DNMT1: variants seen among roughly 807,000 people sequenced by gnomAD.
The protein encoded by DNMT1 is DNA (cytosine-5)-methyltransferase 1.
In DNMT1, 24 loss-of-function variants were observed where a neutral mutation model predicts 205.3. The observed-to-expected ratio is 0.12, with a 90% CI of 0.08 to 0.16. The LOEUF (loss-of-function observed/expected upper bound fraction) is 0.16. Among genes scored for constraint, DNMT1 ranks in the 10% least tolerant of loss-of-function variants. The pLI, the probability that DNMT1 is intolerant of heterozygous loss-of-function variation, is 1.00. For synonymous variants in DNMT1, 817 were observed against 839.8 expected, an observed-to-expected ratio of 0.97 and a Z score of 0.47; for missense variants, 1,293 against 2,177.7, an observed-to-expected ratio of 0.59 and a Z score of 8.09.
chr19:10,139,947 G>C (rs190841054), intron 33 of DNMT1, 99 bp downstream of exon 33: 2 of 1,592,860 alleles, frequency 1.3e-6, no homozygotes, highest in Admixed American at 1.7e-5. Context: ...GTGAGCTTCC[G>C]GGGGGCAGAG....
chr19:10,135,455 C>T, intron 39 of DNMT1: 1 of 490,008 alleles, frequency 2.0e-6, no homozygotes, highest in East Asian at 3.7e-5. Flanking sequence ...TGAGCTGTCG[C>T]CACCATGGGT....
Position 10,138,636 on chromosome 19 carries a change from G to C in DNMT1, c.3949-31C>G, listed in dbSNP as rs765678455. On this transcript the variant is annotated intron_variant, in intron 34 of 40. Transcript: ENST00000359526. The surrounding 1 kb of genome is among the most constrained non-coding windows in gnomAD (Gnocchi z 4.1). ...GGGGAGAAGGACGGACAACCCCACC[G>C]TCAGTGGGACACTCCCAACTGGACT... 6.3e-7 allele frequency: 1 copy of C among 1,592,678 alleles called. No individual in the cohort carries two copies. Among genetic ancestry groups the C allele is most frequent in the South Asian group, 1.1e-5 (1 of 90,344 alleles).
chr19:10,134,271 T>C lies in DNMT1; in HGVS notation c.4810A>G (p.Ile1604Val). 6.2e-7 allele frequency: 1 copy of C among 1,614,124 alleles called. No homozygotes were observed. Among genetic ancestry groups the C allele is most frequent in the Middle Eastern group, 1.6e-4 (1 of 6,062 alleles). Reference protein sequence around the residue: ...NAVPPPLAKAIGLEIKLCMLA... With the variant: ...NAVPPPLAKAVGLEIKLCMLA... ...ATACAAAGCTTGATCTCCAAGCCAA[T>C]GGCTTTGGCCAGGGGCGGTGGCACG... The change falls in exon 40 of 41, where the codon ATT becomes GTT. Residue 1604 changes from isoleucine (I) to valine (V), a missense_variant. Ile to Val is a conservative substitution (Grantham distance 29). Transcript: ENST00000359526.
At chr19:10,148,756 C>T in intron 27 of DNMT1, 128 bp downstream of exon 27, 1 of 1,524,342 alleles carries the variant, frequency 6.6e-7, no homozygotes, top group Non-Finnish European at 9.0e-7. Context: ...GTCAGGCTGG[C>T]CTTTGACGAG....
Position 10,151,943 on chromosome 19 carries a change from T to G in DNMT1, c.2020-96A>C, listed in dbSNP as rs1599362379. The G allele has an allele frequency of 8.1e-6, 10 of 1,236,278 alleles. No individual in the cohort carries two copies. The highest frequency in any genetic ancestry group is 2.3e-5 in the East Asian group (1 of 42,844). The allele number at this position is 1,236,278 out of a possible 1,614,324, so 76.6% of individuals were successfully genotyped here. A position where few individuals can be genotyped will look rare whatever the true frequency, so the allele number is the denominator to read the frequency against. ...AGAAGGCCGAGGCAGGCAGATCACT[T>G]AAGGTCAGGAATTGCAGACCAGCCT... On this transcript the variant is annotated intron_variant, in intron 22 of 40. Transcript: ENST00000359526. The surrounding 1 kb of genome is among the most constrained non-coding windows in gnomAD (Gnocchi z 5.0).
intron 1 of DNMT1, among the ~76,000 whole-genome samples, chr19:10,183,032 T>TATACGTATATATGTGTATAC (rs1462335438): frequency 6.6e-6 from 1 of 150,890 alleles, no homozygotes; most frequent in South Asian, 2.1e-4. Context: ...TATGTGTATA[T>TATACGTATATATGTGTATAC]ATACGTATAT....
At chr19:10,153,293 A>G (rs2145304460) in intron 22 of DNMT1, among the ~76,000 whole-genome samples, 1 of 152,308 alleles carries the variant, frequency 6.6e-6, no homozygotes, top group Middle Eastern at 3.4e-3. Flanking sequence ...AAAATGAAAT[A>G]ACTAGATCTA....
intron 13 of DNMT1, 30 bp downstream of exon 13, chr19:10,162,637 A>AAG (rs2038594291): frequency 1.9e-6 from 3 of 1,557,604 alleles, no homozygotes; most frequent in East Asian, 4.6e-5. Context: ...AAAAAAAAAA[A>AAG]AAAGAAAGAA....
Position 10,137,603 on chromosome 19 carries a change from G to T in DNMT1, c.4293+229C>A. 1.5e-6 allele frequency: 1 copy of T among 675,234 alleles called. No homozygotes were observed. Among genetic ancestry groups the T allele is most frequent in the Admixed American group, 2.6e-5 (1 of 39,198 alleles). 41.8% of individuals were successfully genotyped at this position (675,234 alleles called of 1,614,324 possible). A position where few individuals can be genotyped will look rare whatever the true frequency, so the allele number is the denominator to read the frequency against. ...GGCAGCAAGGGGGAAGGCAGTGGTGGGTGGGCAGTGGCTTGACACCATTCC... is the reference window on the plus strand; with the variant it reads ...GGCAGCAAGGGGGAAGGCAGTGGTGTGTGGGCAGTGGCTTGACACCATTCC... On this transcript the variant is annotated intron_variant, in intron 36 of 40. Coordinates refer to ENST00000359526, the MANE Select transcript of DNMT1 (RefSeq NM_001130823.3). The surrounding 1 kb of genome is among the most constrained non-coding windows in gnomAD (Gnocchi z 6.4).
In DNMT1 at chr19:10,175,563, T is replaced by C. The variant is rs751913403; in HGVS notation, c.625A>G (p.Ile209Val). 3 of 1,614,066 alleles carry C rather than the reference T, an allele frequency of 1.9e-6. No homozygotes were observed. The highest frequency in any genetic ancestry group is 3.3e-5 in the Admixed American group (2 of 60,006). ...ACCTGGTCTTTGTCTTCTTCCTTGA[T>C]GGACTCATCCGATTTGGCTCTTTCA... ...ESERAKSDES[I>V]KEEDKDQDEK... The change falls in exon 7 of 41, where the codon ATC (isoleucine) becomes GTC (valine). Residue 209 changes from isoleucine (I) to valine (V), a missense_variant. Around this residue, in one of 13 missense-constraint regions of DNMT1, gnomAD observed 394 missense variants for 451.6 expected, o/e 0.87. Transcript: ENST00000359526.
rs1385786676 is a variant in DNMT1 at position 10,146,869 on chromosome 19, A to G, written c.2721-345T>C. Among the ~76,000 whole-genome samples the G allele has an allele frequency of 6.6e-6, 1 of 152,212 alleles. No homozygotes were observed. Among genetic ancestry groups the G allele is most frequent in the African/African-American group, 2.4e-5 (1 of 41,444 alleles). On this transcript the variant is annotated intron_variant, in intron 27 of 40. Coordinates refer to ENST00000359526, the MANE Select transcript of DNMT1 (RefSeq NM_001130823.3). The surrounding 1 kb of genome is among the most constrained non-coding windows in gnomAD (Gnocchi z 4.4). The stretch of plus-strand genomic sequence containing the variant: ...GGAACTCAATCCAGCAGAGACTCCT[A>G]CTGTTCTCTCCATAAAGGCTCAACA...
At chr19:10,144,298 CT>C (rs1486437432) in intron 28 of DNMT1, 1 of 366,032 alleles carries the variant, frequency 2.7e-6, no homozygotes, top group African/African-American at 2.1e-5. Context: ...ATTCCAGCTA[CT>C]TGGGAGGCTG....
rs771215764 is a variant in DNMT1 at position 10,140,923 on chromosome 19, G to A, written c.3395-14C>T. On this transcript the variant is annotated splice_polypyrimidine_tract_variant and intron_variant, in intron 31 of 40. Coordinates refer to ENST00000359526, the MANE Select transcript of DNMT1 (RefSeq NM_001130823.3). The surrounding 1 kb of genome is among the most constrained non-coding windows in gnomAD (Gnocchi z 8.4). ...GCTTGCCCTTCCCTGGGGGAGAGAG[G>A]CCAGAGGCTAAACCCGATCCTCAGA... is the stretch of plus-strand genomic sequence containing the variant. The A allele has an allele frequency of 6.2e-7, 1 of 1,613,818 alleles. No individual in the cohort carries two copies. Among genetic ancestry groups the A allele is most frequent in the South Asian group, 1.1e-5 (1 of 91,088 alleles).
At position 10,143,851 on chromosome 19, in the gene DNMT1, G is replaced by C. The variant is rs876661227; in HGVS notation, c.3031C>G (p.Arg1011Gly). Residue 1011 changes from arginine to glycine, a missense_variant, in exon 29 of 41, where the codon CGG becomes GGG. By Grantham distance (125) the Arg-to-Gly change is moderately radical (BLOSUM62 -2). Transcript: ENST00000359526. ...LDAPEPYRIG[R>G]IKEIFCPKKS... Reference sequence around the variant, plus strand: ...TTGGGACAGAAGATCTCTTTGATCCGGCCAATTCGGTAGGGCTCAGGGGCA... The same window carrying C: ...TTGGGACAGAAGATCTCTTTGATCCCGCCAATTCGGTAGGGCTCAGGGGCA... 1 of 1,614,112 alleles carries C rather than the reference G, an allele frequency of 6.2e-7. No homozygotes were observed. The highest frequency in any genetic ancestry group is 8.5e-7 in the Non-Finnish European group (1 of 1,180,038).
Position 10,148,583 on chromosome 19 carries a change from A to AAACATGC in DNMT1, c.2720+294_2720+300dup, listed in dbSNP as rs201053208. Among the ~76,000 whole-genome samples the AAACATGC allele has an allele frequency of 5.8e-3, 883 of 152,324 alleles. 18 individuals carry two copies. The highest frequency in any genetic ancestry group is 0.034 in the East Asian group (176 of 5,186). On this transcript the variant is annotated intron_variant, in intron 27 of 40. Coordinates refer to ENST00000359526, the MANE Select transcript of DNMT1 (RefSeq NM_001130823.3). ...GAGAAAATATCTAAGAAACAGCCAAAAACATGCAAGAGCTGGGCACACACT... is the reference window on the plus strand; with the variant it reads ...GAGAAAATATCTAAGAAACAGCCAAAAACATGCAACATGCAAGAGCTGGGCACACACT...
intron 40 of DNMT1, among the ~76,000 whole-genome samples, chr19:10,134,012 C>CT (rs2089426787): frequency 6.6e-6 from 1 of 152,266 alleles, no homozygotes. Flanking sequence ...CAAAGGCCTG[C>CT]TGTGTGCAGC....
Position 10,140,771 on chromosome 19 carries a change from G to C in DNMT1, c.3523+10C>G, listed in dbSNP as rs200238302. On this transcript the variant is annotated intron_variant, in intron 32 of 40. Transcript: ENST00000359526. This position sits in a 1 kb window ranked among gnomAD's most constrained non-coding sequence, Gnocchi z 8.4. ...CCAGGTATTCAGAGATGGAGCCTAC[G>C]GGCGCTCACCTGCTTGGTGGAATCC... 6.2e-7 allele frequency: 1 copy of C among 1,614,010 alleles called. No homozygotes were observed. The highest frequency in any genetic ancestry group is 8.5e-7 in the Non-Finnish European group (1 of 1,179,922).
In DNMT1 at chr19:10,163,460, G is replaced by C. The variant is rs1045430889; in HGVS notation, c.892-100C>G. 2.1e-5 allele frequency: 27 copies of C among 1,269,004 alleles called. No individual in the cohort carries two copies. In the South Asian group the frequency reaches 3.1e-4, roughly 15 times the overall value. 78.6% of individuals were successfully genotyped at this position (1,269,004 alleles called of 1,614,324 possible). On this transcript the variant is annotated intron_variant, in intron 11 of 40. Transcript: ENST00000359526. ...ATGCAAACACTGAAGTTACAGGTTA[G>C]GGATCCCAGCACTGTGGAGCTGGAA...
chr19:10,179,058 G>A (rs2038989605), intron 5 of DNMT1, among the ~76,000 whole-genome samples: 2 of 150,474 alleles, frequency 1.3e-5, no homozygotes, highest in Admixed American at 1.3e-4. Context: ...GAACCTGGGA[G>A]GCAGAGCTTG....
Sources: gnomAD v4.1 joint callset for allele counts (sites outside exome capture counted in the v4.1 genomes callset) on GRCh38, gnomAD v4.1.1 for gene constraint, gnomAD v4.1.1 regional missense constraint, Gnocchi (gnomAD v3.1) non-coding constraint, MANE v1.5 for transcripts, NCBI Gene and HGNC (gene_info 2026-07-23, HGNC 2026-07-21) for gene names.